Variants in CHN1 observed in about 807,000 individuals in gnomAD.
The protein encoded by CHN1 is chimerin 1.
A neutral mutation model predicts 59.5 loss-of-function variants in CHN1; 37 were observed. The observed-to-expected ratio is 0.62, with a 90% CI of 0.48 to 0.82. The LOEUF is 0.82. Among genes scored for constraint, CHN1 ranks in the 40% least tolerant of loss-of-function variants. The probability of loss-of-function intolerance (pLI) is 0.00; values close to 1 mark genes in which losing one functional copy is unlikely to be tolerated. For synonymous variants in CHN1, 206 were observed against 200.4 expected, an observed-to-expected ratio of 1.03 and a Z score of -0.24; for missense variants, 469 against 571.0, an observed-to-expected ratio of 0.82 and a Z score of 1.82.
chr2:174,951,796 T>C (rs1310877929), intron 2 of CHN1, among the ~76,000 whole-genome samples: 2 of 152,184 alleles, frequency 1.3e-5, no homozygotes, highest in Admixed American at 6.5e-5. Flanking sequence ...TCCTGAATTA[T>C]TGTCATTTAA....
chr2:174,932,707 T>C (rs553900316), intron 3 of CHN1, among the ~76,000 whole-genome samples: 2 of 152,300 alleles, frequency 1.3e-5, no homozygotes, highest in East Asian at 1.9e-4. Context: ...GTTTTTGTAA[T>C]AGAGTTCTCA....
At chr2:174,878,933 C>G (rs138963320) in intron 5 of CHN1, among the ~76,000 whole-genome samples, 367 of 152,236 alleles carry the variant, frequency 2.4e-3, no homozygotes, top group Non-Finnish European at 3.5e-3. Context: ...AGAAATGGAT[C>G]CAATTTGGCA....
chr2:174,846,995 G>A (rs373949870), intron 6 of CHN1, 38 bp from the exon 7 acceptor site: 23 of 1,551,836 alleles, frequency 1.5e-5, no homozygotes, highest in Non-Finnish European at 1.9e-5. Context: ...TTGCCAGATT[G>A]TCACAGACGA....
At chr2:174,886,630 G>A (rs12611722) in intron 5 of CHN1, among the ~76,000 whole-genome samples, 1 of 152,100 alleles carries the variant, frequency 6.6e-6, no homozygotes, top group Non-Finnish European at 1.5e-5. Context: ...TGGGTATTTA[G>A]GCATTTCCCA....
chr2:174,842,036 C>T (rs1000774047), intron 7 of CHN1, among the ~76,000 whole-genome samples: 1 of 152,116 alleles, frequency 6.6e-6, no homozygotes, highest in African/African-American at 2.4e-5. Flanking sequence ...TGTAACAATA[C>T]AGATCTTAAG....
At chr2:174,993,022 T>C (rs1174207635) in intron 1 of CHN1, among the ~76,000 whole-genome samples, 1 of 152,130 alleles carries the variant, frequency 6.6e-6, no homozygotes, top group Non-Finnish European at 1.5e-5. Flanking sequence ...ATTCCTGGCC[T>C]CAAGCAATCC....
chr2:174,957,587 T>A (rs1220778518), intron 1 of CHN1, among the ~76,000 whole-genome samples: 9 of 152,164 alleles, frequency 5.9e-5, no homozygotes, highest in Non-Finnish European at 1.3e-4. Context: ...CTGCTGTTAT[T>A]ATAATTCAAT....
At chr2:174,862,647 T>A (rs571098512) in intron 6 of CHN1, among the ~76,000 whole-genome samples, 12 of 152,322 alleles carry the variant, frequency 7.9e-5, no homozygotes, top group African/African-American at 2.9e-4. Flanking sequence ...CTGTTTTTAA[T>A]GAACAATAGC....
intron 1 of CHN1, among the ~76,000 whole-genome samples, chr2:174,981,194 T>A (rs1691136518): frequency 6.6e-6 from 1 of 152,202 alleles, no homozygotes; most frequent in Non-Finnish European, 1.5e-5. Flanking sequence ...AATTGGGTCT[T>A]TGTATATTTA....
chr2:174,963,247 C>T (rs1381471721), intron 1 of CHN1, among the ~76,000 whole-genome samples: 3 of 152,026 alleles, frequency 2.0e-5, no homozygotes, highest in African/African-American at 7.3e-5. Context: ...ACAAACAAGG[C>T]AATAAAGTAA....
At chr2:174,876,788 C>G (rs530267527) in intron 6 of CHN1, among the ~76,000 whole-genome samples, 2 of 152,236 alleles carry the variant, frequency 1.3e-5, no homozygotes, top group South Asian at 4.1e-4. Flanking sequence ...AACATTACCA[C>G]CAAACTACAT....
At chr2:174,897,752 A>G (rs1359111463) in intron 5 of CHN1, among the ~76,000 whole-genome samples, 1 of 152,234 alleles carries the variant, frequency 6.6e-6, no homozygotes, top group East Asian at 1.9e-4. Flanking sequence ...GACAGTTCAG[A>G]CAACACAGAA....
chr2:174,865,803 T>C (rs1275149735), intron 6 of CHN1, among the ~76,000 whole-genome samples: 1 of 152,190 alleles, frequency 6.6e-6, no homozygotes, highest in Non-Finnish European at 1.5e-5. Context: ...TTGGAATAAG[T>C]TGTCAGAAGT....
chr2:174,928,562 T>C (rs534895000), intron 3 of CHN1, among the ~76,000 whole-genome samples: 1 of 152,322 alleles, frequency 6.6e-6, no homozygotes, highest in East Asian at 1.9e-4. Context: ...TTTTGAAATG[T>C]ATGTGCAAAT....
At chr2:174,825,346 T>A (rs1330170852) in intron 7 of CHN1, among the ~76,000 whole-genome samples, 1 of 152,212 alleles carries the variant, frequency 6.6e-6, no homozygotes, top group Non-Finnish European at 1.5e-5. Context: ...TTTATTATGT[T>A]AGCAAGGAGA....
intron 6 of CHN1, among the ~76,000 whole-genome samples, chr2:174,861,768 G>A (rs1286811075): frequency 1.3e-5 from 2 of 152,198 alleles, no homozygotes; most frequent in Non-Finnish European, 2.9e-5. Flanking sequence ...TTGTTGTGCT[G>A]AGAGAACATG....
At chr2:174,897,478 T>A (rs919611031) in intron 5 of CHN1, among the ~76,000 whole-genome samples, 4 of 150,920 alleles carry the variant, frequency 2.7e-5, no homozygotes, top group Non-Finnish European at 5.9e-5. Context: ...TATTTTCAGA[T>A]AGGTCTTAGA....
At chr2:174,942,125 A>T (rs1235505314) in intron 3 of CHN1, among the ~76,000 whole-genome samples, 3 of 152,218 alleles carry the variant, frequency 2.0e-5, no homozygotes, top group Non-Finnish European at 4.4e-5. Flanking sequence ...CTAAAAATAG[A>T]ACTACTGTAT....
chr2:174,826,333 G>A (rs987263554), intron 7 of CHN1, among the ~76,000 whole-genome samples: 1 of 152,156 alleles, frequency 6.6e-6, no homozygotes, highest in Non-Finnish European at 1.5e-5. Flanking sequence ...GCATGCAATC[G>A]TGCTTTATTC....
Sources: allele counts gnomAD v4.1 joint callset (sites outside exome capture counted in the v4.1 genomes callset), GRCh38; gene constraint gnomAD v4.1.1; transcripts MANE v1.5; gene names NCBI Gene and HGNC (gene_info 2026-07-23, HGNC 2026-07-21).